The following NFATC1 variants were observed in gnomAD, a reference collection of about 807,000 sequenced individuals.
NFATC1 encodes the protein nuclear factor of activated T cells 1, also known as nuclear factor of activated T-cells, cytoplasmic 1.
A neutral mutation model predicts 76.0 loss-of-function variants in NFATC1; 22 were observed. The ratio of observed to expected loss-of-function variants is 0.29; its 90% CI spans 0.21 to 0.41. The LOEUF is 0.41. Among genes scored for constraint, NFATC1 ranks in the 10% least tolerant of loss-of-function variants. The pLI, the probability that NFATC1 is intolerant of heterozygous loss-of-function variation, is 1.00. For synonymous variants in NFATC1, 704 were observed against 613.1 expected (o/e 1.15, Z -2.19); for missense variants, 1,357 against 1,337.7 (o/e 1.01, Z -0.23).
At chr18:79,479,353 A>G (rs1175991169) in intron 8 of NFATC1, among the ~76,000 whole-genome samples, 1 of 150,708 alleles carries the variant, frequency 6.6e-6, no homozygotes, top group African/African-American at 2.5e-5. Context: ...CACGGGCGAC[A>G]GCGTGAACTG....
intron 8 of NFATC1, among the ~76,000 whole-genome samples, chr18:79,477,517 T>C (rs1449729457): frequency 6.6e-6 from 1 of 152,160 alleles, no homozygotes; most frequent in East Asian, 1.9e-4. Context: ...TCCGGGGCAC[T>C]GTCTCAGTCT....
chr18:79,458,589 A>C (rs1397171276), intron 6 of NFATC1, among the ~76,000 whole-genome samples: 1 of 152,206 alleles, frequency 6.6e-6, no homozygotes, highest in African/African-American at 2.4e-5. Flanking sequence ...GACTGCAGGG[A>C]ATTCCCTAAT....
chr18:79,510,667 G>A (rs926105990), intron 9 of NFATC1, among the ~76,000 whole-genome samples: 7 of 152,232 alleles, frequency 4.6e-5, no homozygotes, highest in South Asian at 2.1e-4. Context: ...TGCCAGGCTC[G>A]GTTTCCAAGT....
intron 3 of NFATC1, among the ~76,000 whole-genome samples, chr18:79,445,315 C>T (rs949188307): frequency 7.9e-5 from 12 of 152,222 alleles, no homozygotes; most frequent in African/African-American, 2.9e-4. Context: ...GCCGTATCAT[C>T]CTGGCCAGGC....
At chr18:79,515,152 G>T (rs796135148) in intron 9 of NFATC1, among the ~76,000 whole-genome samples, 4 of 151,854 alleles carry the variant, frequency 2.6e-5, no homozygotes, top group African/African-American at 9.7e-5. Context: ...TGAGACCAGC[G>T]TGGCCAACAT....
intron 6 of NFATC1, chr18:79,452,063 TCA>T (rs1308373709): frequency 7.4e-6 from 3 of 407,946 alleles, no homozygotes; most frequent in African/African-American, 4.1e-5. Flanking sequence ...GCCACTGCAC[TCA>T]CATCGCTGCT....
chr18:79,409,017 C>T (rs201718591), intron 1 of NFATC1, among the ~76,000 whole-genome samples: 15,105 of 65,704 alleles, frequency 0.23, 2,964 homozygotes, highest in East Asian at 0.62. Context: ...ATCCATCCGT[C>T]CATCCATCAT....
rs1259201660 is a variant in NFATC1, at chr18:79,412,813, G to A, written c.1226+1312G>A. On this transcript the variant is annotated intron_variant, in intron 2 of 9. Transcript: ENST00000427363. The stretch of plus-strand genomic sequence containing the variant: ...ATACTTAGAATCGTCGTCAGCTGAG[G>A]TTTCGAGAGAAAGCAAGGATTACCC... 2.6e-5 allele frequency among the ~76,000 whole-genome samples: 4 copies of A among 152,346 alleles called. No individual in the cohort carries two copies. The East Asian group carries it at 7.7e-4, about 29-fold the overall frequency.
At chr18:79,519,819 T>G (rs954054507) in intron 9 of NFATC1, among the ~76,000 whole-genome samples, 1 of 152,228 alleles carries the variant, frequency 6.6e-6, no homozygotes, top group Admixed American at 6.5e-5. Flanking sequence ...CTGTGGGTCT[T>G]TCCTCTTGCA....
chr18:79,409,262 CATCCATCTATCATCCATCCATCATTATCT>C (rs1209852301), intron 1 of NFATC1, among the ~76,000 whole-genome samples: 1 of 143,364 alleles, frequency 7.0e-6, no homozygotes, highest in African/African-American at 2.5e-5. Context: ...ATTCCCTATC[CATCCATCTATCATCCATCCATCATTATCT>C]ATCCATCATC....
intron 6 of NFATC1, among the ~76,000 whole-genome samples, chr18:79,453,418 G>A (rs1382987119): frequency 1.3e-5 from 2 of 152,256 alleles, no homozygotes; most frequent in Non-Finnish European, 2.9e-5. Context: ...GGTAAGGGCA[G>A]CCACCAGCCT....
At position 79,467,263 on chromosome 18, in the gene NFATC1, TG is replaced by T. The variant is rs2088549514; in HGVS notation, c.1960-184del. ...CTTCTGGACCGCCCAGGTGGCTGCTTGGGAGTTTACCGTCACGGCAGTCCTG... is the reference window on the plus strand; with the variant it reads ...CTTCTGGACCGCCCAGGTGGCTGCTTGGAGTTTACCGTCACGGCAGTCCTG... On this transcript the variant is annotated intron_variant, in intron 7 of 9. Coordinates refer to ENST00000427363, the MANE Select transcript of NFATC1 (RefSeq NM_001278669.2). Among the ~76,000 whole-genome samples the T allele has an allele frequency of 2.2e-5, 3 of 133,382 alleles. No individual in the cohort carries two copies. In the South Asian group the frequency reaches 6.2e-4, roughly 28 times the overall value. The allele number at this position is 133,382 out of a possible 152,430, so 87.5% of individuals were successfully genotyped here. A position where few individuals can be genotyped will look rare whatever the true frequency, so the allele number is the denominator to read the frequency against.
rs908356544 is a variant in NFATC1, at chr18:79,524,913, G to T, written c.2783-2615G>T. 6.6e-6 allele frequency among the ~76,000 whole-genome samples: 1 copy of T among 151,968 alleles called. No individual in the cohort carries two copies. Among genetic ancestry groups the T allele is most frequent in the African/African-American group, 2.4e-5 (1 of 41,350 alleles). ...GACGGCTCTCGGCGGCCATGCAGGC[G>T]GCCTGTCCCACGAACACGATGGAGA... On this transcript the variant is annotated intron_variant, in intron 9 of 9. Coordinates refer to ENST00000427363, the MANE Select transcript of NFATC1 (RefSeq NM_001278669.2). This position sits in a 1 kb window ranked among gnomAD's most constrained non-coding sequence, Gnocchi z 7.2.
intron 9 of NFATC1, among the ~76,000 whole-genome samples, chr18:79,494,979 G>GC (rs1234775723): frequency 5.3e-5 from 8 of 152,122 alleles, no homozygotes; most frequent in East Asian, 1.9e-4. Flanking sequence ...GCGGGCACAC[G>GC]CCCCCCATCA....
intron 9 of NFATC1, 51 bp downstream of exon 9, chr18:79,486,988 G>A (rs1359077026): frequency 1.3e-6 from 2 of 1,525,342 alleles, no homozygotes; most frequent in East Asian, 2.3e-5. Flanking sequence ...GCCATGGCGT[G>A]AGCTCATGGA....
At chr18:79,474,709 A>G (rs1227478132) in intron 8 of NFATC1, among the ~76,000 whole-genome samples, 1 of 142,732 alleles carries the variant, frequency 7.0e-6, no homozygotes, top group African/African-American at 2.7e-5. Context: ...TTGTGAGGGA[A>G]GCGTGTTCTC....
chr18:79,400,002 C>T (rs944792309), intron 1 of NFATC1, among the ~76,000 whole-genome samples: 1 of 152,064 alleles, frequency 6.6e-6, no homozygotes, highest in Non-Finnish European at 1.5e-5. Context: ...ATTCCGTCGC[C>T]CTGGGCGCAG....
At position 79,527,890 on chromosome 18, in the gene NFATC1, G is replaced by A. The variant is rs182992701; in HGVS notation, c.*313G>A. ...CGGCCCACACGCAGTTTGACCCCAC[G>A]CCCAGCCCTTCTGGCACCCCTGGGG... On this transcript the variant is annotated 3_prime_UTR_variant, in exon 10 of 10. Coordinates refer to ENST00000427363, the MANE Select transcript of NFATC1 (RefSeq NM_001278669.2). 9.0e-6 allele frequency: 4 copies of A among 446,582 alleles called. No individual in the cohort carries two copies. Among genetic ancestry groups the A allele is most frequent in the East Asian group, 3.2e-5 (1 of 31,540 alleles). 27.7% of individuals were successfully genotyped at this position (446,582 alleles called of 1,614,324 possible). A position where few individuals can be genotyped will look rare whatever the true frequency, so the allele number is the denominator to read the frequency against.
At chr18:79,526,519 T>C (rs955561779) in intron 9 of NFATC1, among the ~76,000 whole-genome samples, 2 of 152,088 alleles carry the variant, frequency 1.3e-5, no homozygotes, top group Non-Finnish European at 2.9e-5. Context: ...GGGCCGGGCA[T>C]GTGGGGCACC....
Sources: gnomAD v4.1 joint callset for allele counts (sites outside exome capture counted in the v4.1 genomes callset) on GRCh38, gnomAD v4.1.1 for gene constraint, Gnocchi (gnomAD v3.1) non-coding constraint, MANE v1.5 for transcripts, NCBI Gene and HGNC (gene_info 2026-07-23, HGNC 2026-07-21) for gene names.